IGFL2: variants seen among roughly 807,000 people sequenced by gnomAD.
IGFL2 encodes the protein IGF like family member 2, also known as insulin growth factor-like family member 2.
In IGFL2, 7 loss-of-function variants were observed where a neutral mutation model predicts 13.9. The observed-to-expected ratio is 0.51, with a 90% CI of 0.29 to 0.95. The LOEUF is 0.95. Ranked by LOEUF, IGFL2 falls within the 40% of genes least tolerant of loss-of-function variation. The pLI is 0.08. For synonymous variants in IGFL2, 55 were observed against 55.8 expected (o/e 0.99, Z 0.07); for missense variants, 138 against 147.8 (o/e 0.93, Z 0.34).
chr19:46,201,509 G>C, the IGFL2 span, among the ~76,000 whole-genome samples: 1 of 152,220 alleles, frequency 6.6e-6, no homozygotes, highest in Admixed American at 6.5e-5. Flanking sequence ...ACCACTGTGG[G>C]CTCCCAAGCC....
chr19:46,182,593 A>C, the IGFL2 span, among the ~76,000 whole-genome samples: 17,051 of 152,218 alleles, frequency 0.11, 1,232 homozygotes, highest in Middle Eastern at 0.21. Context: ...CATAATGTAC[A>C]TACAGTAAAC....
the IGFL2 span, among the ~76,000 whole-genome samples, chr19:46,193,317 C>T: frequency 3.9e-5 from 6 of 152,278 alleles, no homozygotes; most frequent in Non-Finnish European, 5.9e-5. Flanking sequence ...AGTCATCCTT[C>T]GTGCAGCATA....
the IGFL2 span, among the ~76,000 whole-genome samples, chr19:46,128,276 A>C: frequency 6.6e-6 from 1 of 152,212 alleles, no homozygotes; most frequent in Non-Finnish European, 1.5e-5. Flanking sequence ...ATACAGGATC[A>C]TGTCATCTGC....
chr19:46,160,536 ACAGAGG>A (rs1974101144), intron 2 of IGFL2, 68 bp downstream of exon 2: 1 of 1,612,600 alleles, frequency 6.2e-7, no homozygotes, highest in African/African-American at 1.3e-5. Flanking sequence ...ATGGGGGTTC[ACAGAGG>A]GCTCCTGATT....
the IGFL2 span, among the ~76,000 whole-genome samples, chr19:46,134,469 T>C: frequency 6.6e-6 from 1 of 152,190 alleles, no homozygotes. Context: ...ATATATTACA[T>C]ATGCAACTCA....
chr19:46,214,785 AAG>A, the IGFL2 span: 1 of 152,204 alleles, frequency 6.6e-6, no homozygotes, highest in Non-Finnish European at 1.5e-5. Flanking sequence ...GCAGAACACA[AAG>A]AGCTGTGATG....
At chr19:46,148,213 A>G (rs1973242269), upstream of IGFL2, 2 of 1,447,538 alleles carry the variant, frequency 1.4e-6, no homozygotes, top group Non-Finnish European at 9.5e-7. Flanking sequence ...TAGCCTACAT[A>G]AGTCCCTGTA....
At chr19:46,078,858 A>G in the IGFL2 span, among the ~76,000 whole-genome samples, 1 of 147,864 alleles carries the variant, frequency 6.8e-6, no homozygotes, top group African/African-American at 2.5e-5. Flanking sequence ...GACATCGCGC[A>G]GGCGTCGTCA....
chr19:46,089,742 A>G, the IGFL2 span, among the ~76,000 whole-genome samples: 1 of 150,282 alleles, frequency 6.7e-6, no homozygotes, highest in Non-Finnish European at 1.5e-5. Flanking sequence ...ACTCCCTTAT[A>G]TGTTATTTGC....
At chr19:46,195,338 C>A in the IGFL2 span, among the ~76,000 whole-genome samples, 1 of 152,054 alleles carries the variant, frequency 6.6e-6, no homozygotes, top group African/African-American at 2.4e-5. Flanking sequence ...ATTAATGACC[C>A]TTGTTATCAA....
the IGFL2 span, among the ~76,000 whole-genome samples, chr19:46,093,039 A>G: frequency 6.6e-6 from 1 of 152,324 alleles, no homozygotes; most frequent in East Asian, 1.9e-4. Flanking sequence ...CAAGCTAATA[A>G]ACTTAAGTCT....
the IGFL2 span, chr19:46,124,184 C>G: frequency 6.2e-7 from 1 of 1,610,210 alleles, no homozygotes. Context: ...TGGTGTACAT[C>G]CAAGGAAGAA....
chr19:46,157,752 T>C (rs888456771), intron 1 of IGFL2, among the ~76,000 whole-genome samples: 2 of 152,160 alleles, frequency 1.3e-5, no homozygotes, highest in Admixed American at 6.5e-5. Flanking sequence ...ACCATTCTTA[T>C]TCAGTGTATT....
chr19:46,087,095 T>A, the IGFL2 span, among the ~76,000 whole-genome samples: 1 of 152,170 alleles, frequency 6.6e-6, no homozygotes, highest in African/African-American at 2.4e-5. Flanking sequence ...GGCAGGCCAA[T>A]CGTTGGTCCT....
upstream of IGFL2, among the ~76,000 whole-genome samples, chr19:46,146,839 A>G (rs1188453322): frequency 5.3e-5 from 8 of 152,168 alleles, no homozygotes; most frequent in East Asian, 7.7e-4. Flanking sequence ...TCTACTAACA[A>G]TGCACTTTTA....
chr19:46,085,180 T>A, the IGFL2 span, among the ~76,000 whole-genome samples: 1 of 151,910 alleles, frequency 6.6e-6, no homozygotes, highest in African/African-American at 2.4e-5. Flanking sequence ...GAGCCGAGAT[T>A]GCGCCACTGC....
At chr19:46,117,447 C>CT in the IGFL2 span, among the ~76,000 whole-genome samples, 1 of 151,744 alleles carries the variant, frequency 6.6e-6, no homozygotes, top group African/African-American at 2.4e-5. Flanking sequence ...CCAGTCCCTT[C>CT]TTTTTTGTTG....
chr19:46,202,340 G>A, the IGFL2 span, among the ~76,000 whole-genome samples: 2 of 152,096 alleles, frequency 1.3e-5, no homozygotes, highest in Non-Finnish European at 1.5e-5. Context: ...GTTTGTATTG[G>A]GGTCAAATGC....
chr19:46,176,822 G>A, the IGFL2 span, among the ~76,000 whole-genome samples: 8 of 152,108 alleles, frequency 5.3e-5, no homozygotes, highest in Non-Finnish European at 1.0e-4. Flanking sequence ...CCTGAGATGC[G>A]CCCCATCCTC....
Sources: allele counts gnomAD v4.1 joint callset (sites outside exome capture counted in the v4.1 genomes callset), GRCh38; gene constraint gnomAD v4.1.1; transcripts MANE v1.5; gene names NCBI Gene and HGNC (gene_info 2026-07-23, HGNC 2026-07-21).